The following MGST1 variants were observed in gnomAD, a reference collection of about 807,000 sequenced individuals.
MGST1 encodes the protein glutathione S-transferase 12.
A neutral mutation model predicts 8.9 loss-of-function variants in MGST1; 5 were observed. That is an observed-to-expected ratio of 0.56 (90% CI 0.29 to 1.19). The LOEUF (loss-of-function observed/expected upper bound fraction) is 1.19. Ranked by LOEUF, MGST1 falls within the 50% of genes most tolerant of loss-of-function variation. The pLI is 0.08. For synonymous variants in MGST1, 54 were observed against 67.8 expected (o/e 0.80, Z 1.00); for missense variants, 182 against 187.4 (o/e 0.97, Z 0.17).
intron 1 of MGST1, among the ~76,000 whole-genome samples, chr12:16,408,184 TAAAG>T (rs1662366841): frequency 6.6e-6 from 1 of 151,634 alleles, no homozygotes; most frequent in African/African-American, 2.4e-5. Flanking sequence ...CATATGGACA[TAAAG>T]AAGAGAACAG....
In MGST1 at chr12:16,500,080, T is replaced by C. The variant is rs551990955; in HGVS notation, n.483-89448T>C. ...TAGTTTCATAAGTATGTTTAAACTT[T>C]AGATATTTGTCAACAATTAATTATT... On this transcript the variant is annotated intron_variant and non_coding_transcript_variant, in intron 4 of 4. Transcript: ENST00000538857. This position sits in a 1 kb window ranked among gnomAD's most constrained non-coding sequence, Gnocchi z 4.3. Among the ~76,000 whole-genome samples, 5 of 152,330 alleles carry C rather than the reference T, an allele frequency of 3.3e-5. No homozygotes were observed. The South Asian group carries it at 1.0e-3, about 32-fold the overall frequency.
In MGST1 at chr12:16,564,864, C is replaced by T. The variant is rs189937262; in HGVS notation, n.483-24664C>T. On this transcript the variant is annotated intron_variant and non_coding_transcript_variant, in intron 4 of 4. Transcript: ENST00000538857. ...GCAGTGGTGTGACCATGAGTCACTG[C>T]AGCCTTGACCTCCTAGGCTTAAGTG... Among the ~76,000 whole-genome samples the T allele has an allele frequency of 5.3e-5, 8 of 152,258 alleles. No individual in the cohort carries two copies. The East Asian group carries it at 5.8e-4, about 11-fold the overall frequency.
chr12:16,496,040 T>A (rs1565464640), intron 4 of MGST1, among the ~76,000 whole-genome samples: 3 of 152,110 alleles, frequency 2.0e-5, no homozygotes, highest in African/African-American at 4.8e-5. Context: ...ACAAGCCTCA[T>A]ATGCTGCAGG....
chr12:16,457,159 TTAAC>T (rs1446304245), intron 4 of MGST1, among the ~76,000 whole-genome samples: 1 of 152,006 alleles, frequency 6.6e-6, no homozygotes, highest in South Asian at 2.1e-4. Flanking sequence ...TGACATCACT[TTAAC>T]TAAATATTTT....
intron 1 of MGST1, among the ~76,000 whole-genome samples, chr12:16,411,517 T>C (rs1940742361): frequency 6.6e-6 from 1 of 152,118 alleles, no homozygotes; most frequent in Admixed American, 6.5e-5. Context: ...TCTTCAAAAA[T>C]GTTAGTTTTC....
chr12:16,456,117 G>A (rs887815662), intron 4 of MGST1, among the ~76,000 whole-genome samples: 8 of 151,560 alleles, frequency 5.3e-5, no homozygotes, highest in South Asian at 2.1e-4. Flanking sequence ...GCCTGATATC[G>A]TGCCCGGCTC....
chr12:16,468,963 A>G (rs932463193), intron 4 of MGST1, among the ~76,000 whole-genome samples: 1 of 152,214 alleles, frequency 6.6e-6, no homozygotes, highest in African/African-American at 2.4e-5. Context: ...TGCACAGTAG[A>G]TGAGAAACTC....
intron 4 of MGST1, among the ~76,000 whole-genome samples, chr12:16,566,798 TTC>T (rs1942629977): frequency 6.6e-6 from 1 of 152,176 alleles, no homozygotes; most frequent in Non-Finnish European, 1.5e-5. Flanking sequence ...CATATATTCA[TTC>T]TCTCTCCAAA....
intron 1 of MGST1, chr12:16,402,116 G>T: frequency 6.6e-7 from 1 of 1,517,630 alleles, no homozygotes; most frequent in Non-Finnish European, 9.1e-7. Flanking sequence ...GCAGTCTGAT[G>T]GCAGGGGCTC....
At chr12:16,399,809 A>G in intron 1 of MGST1, 1 of 1,205,420 alleles carries the variant, frequency 8.3e-7, no homozygotes, top group Middle Eastern at 1.9e-4. Flanking sequence ...GGCTACAAGA[A>G]TGGCATTGAT....
chr12:16,566,780 G>T (rs1942628860), intron 4 of MGST1, among the ~76,000 whole-genome samples: 1 of 152,086 alleles, frequency 6.6e-6, no homozygotes, highest in African/African-American at 2.4e-5. Flanking sequence ...ATATATACAT[G>T]TATAGTACAT....
intron 4 of MGST1, among the ~76,000 whole-genome samples, chr12:16,476,869 T>C (rs986772824): frequency 4.6e-5 from 7 of 152,208 alleles, no homozygotes; most frequent in African/African-American, 1.7e-4. Context: ...ATTTCTGTAT[T>C]GCAGATAGTG....
At chr12:16,446,019 T>A (rs1941077036) in intron 4 of MGST1, among the ~76,000 whole-genome samples, 1 of 151,902 alleles carries the variant, frequency 6.6e-6, no homozygotes, top group Non-Finnish European at 1.5e-5. Context: ...CAAAACCAAT[T>A]ACACATTTGG....
intron 3 of MGST1, among the ~76,000 whole-genome samples, chr12:16,359,353 C>A (rs1410453239): frequency 6.6e-6 from 1 of 152,150 alleles, no homozygotes; most frequent in Non-Finnish European, 1.5e-5. Flanking sequence ...AACAATTCTA[C>A]CCCCAAGCTA....
At chr12:16,470,929 A>G (rs1941286536) in intron 4 of MGST1, among the ~76,000 whole-genome samples, 1 of 152,238 alleles carries the variant, frequency 6.6e-6, no homozygotes. Context: ...TTAAAACTAA[A>G]AACAATTAAG....
intron 1 of MGST1, among the ~76,000 whole-genome samples, chr12:16,433,874 G>T (rs745850104): frequency 4.1e-4 from 63 of 151,926 alleles, no homozygotes; most frequent in Admixed American, 1.2e-3. Context: ...ATGTCTGCAG[G>T]GTTGATTTTG....
chr12:16,463,016 CTT>C (rs1941231332), intron 4 of MGST1, among the ~76,000 whole-genome samples: 1 of 152,126 alleles, frequency 6.6e-6, no homozygotes, highest in Admixed American at 6.5e-5. Context: ...CTTTCTCTCT[CTT>C]GAAGATCTTC....
intron 4 of MGST1, among the ~76,000 whole-genome samples, chr12:16,552,176 A>T (rs370057494): frequency 2.6e-5 from 4 of 152,044 alleles, no homozygotes; most frequent in East Asian, 3.9e-4. Context: ...GTCAGAAATA[A>T]ATGTTTTTTC....
At chr12:16,422,435 C>T (rs1490844336) in intron 1 of MGST1, among the ~76,000 whole-genome samples, 2 of 152,116 alleles carry the variant, frequency 1.3e-5, no homozygotes, top group African/African-American at 4.8e-5. Context: ...GGCCTATTTT[C>T]AGCATGTGCC....
Sources: allele counts gnomAD v4.1 joint callset (sites outside exome capture counted in the v4.1 genomes callset), GRCh38; gene constraint gnomAD v4.1.1; non-coding constraint Gnocchi (gnomAD v3.1); transcripts MANE v1.5; gene names NCBI Gene and HGNC (gene_info 2026-07-23, HGNC 2026-07-21).